Variants in ZBTB48 observed in about 807,000 individuals in gnomAD.
The protein encoded by ZBTB48 is zinc finger and BTB domain containing 48.
A neutral mutation model predicts 64.5 loss-of-function variants in ZBTB48; 35 were observed. The observed-to-expected ratio is 0.54, with a 90% CI of 0.41 to 0.72. The LOEUF (loss-of-function observed/expected upper bound fraction) is 0.72. ZBTB48 is among the 30% of genes least tolerant of loss of function. The probability of loss-of-function intolerance (pLI) is 0.00; values close to 1 mark genes in which losing one functional copy is unlikely to be tolerated. For synonymous variants in ZBTB48, 442 were observed against 356.7 expected, an observed-to-expected ratio of 1.24 and a Z score of -2.70; for missense variants, 828 against 895.3, an observed-to-expected ratio of 0.92 and a Z score of 0.96.
In ZBTB48 at chr1:6,588,930, G is replaced by A. The variant is rs1335488803; in HGVS notation, c.1785G>A (p.Arg595=). The stretch of plus-strand genomic sequence containing the variant: ...CTCCCCGCCAGGCCCACCTGCGGAG[G>A]CACATGGAGATCCACGACCGGGTAG... ...YKFTRQAHLR[R]HMEIHDRVEN... Residue 595 remains arginine, a synonymous_variant, in exon 11 of 11, where the codon AGG becomes AGA. Transcript: ENST00000377674. The A allele has an allele frequency of 3.7e-6, 6 of 1,612,592 alleles. No homozygotes were observed. The highest frequency in any genetic ancestry group is 1.3e-5 in the African/African-American group (1 of 74,920).
chr1:6,581,323 C>T (rs371060388), intron 2 of ZBTB48, 24 bp downstream of exon 2: 2 of 1,557,600 alleles, frequency 1.3e-6, no homozygotes, highest in African/African-American at 2.8e-5. Context: ...GGTGTTGGGA[C>T]TGGGGAGACA....
At chr1:6,583,646 G>A (rs1225069195) in intron 3 of ZBTB48, among the ~76,000 whole-genome samples, 5 of 150,438 alleles carry the variant, frequency 3.3e-5, no homozygotes, top group East Asian at 3.9e-4. Context: ...TGTCGCCCAG[G>A]TTGGAGTGCA....
chr1:6,587,636 C>T lies in ZBTB48; in HGVS notation c.1379+4C>T, dbSNP rs190133279. On this transcript the variant is annotated splice_donor_region_variant and intron_variant, in intron 7 of 10. Coordinates refer to ENST00000377674, the MANE Select transcript of ZBTB48 (RefSeq NM_005341.4). ...TGCACATCAAGGCCAAGCACAGGTGCGTGTCGCCCGTTCTCTCTTGGGGCC... is the reference window on the plus strand; with the variant it reads ...TGCACATCAAGGCCAAGCACAGGTGTGTGTCGCCCGTTCTCTCTTGGGGCC... 76 of 1,612,304 alleles carry T rather than the reference C, an allele frequency of 4.7e-5. No individual in the cohort carries two copies. Among genetic ancestry groups the T allele is most frequent in the Admixed American group, 2.8e-4 (17 of 60,024 alleles).
In ZBTB48 at chr1:6,586,049, A is replaced by G; in HGVS notation, c.1044+19A>G. ...GGAACAGGTACTTGGGAGCTGGCCCAGGTACTTGTGGGCAGGGCACACTGG... is the reference window on the plus strand; with the variant it reads ...GGAACAGGTACTTGGGAGCTGGCCCGGGTACTTGTGGGCAGGGCACACTGG... On this transcript the variant is annotated intron_variant, in intron 4 of 10. Coordinates refer to ENST00000377674, the MANE Select transcript of ZBTB48 (RefSeq NM_005341.4). 1 of 1,613,262 alleles carries G rather than the reference A, an allele frequency of 6.2e-7. No individual in the cohort carries two copies. Among genetic ancestry groups the G allele is most frequent in the Non-Finnish European group, 8.5e-7 (1 of 1,179,258 alleles).
In ZBTB48 at chr1:6,589,026, GCTGCAGCCGC is replaced by G; in HGVS notation, c.1888_1897del (p.Pro630SerfsTer?). On this transcript the variant is annotated frameshift_variant, in exon 11 of 11. Coordinates refer to ENST00000377674, the MANE Select transcript of ZBTB48 (RefSeq NM_005341.4). LOFTEE classifies it high-confidence loss of function. ...AGGACGAGAAGATGGTGGTGGTGGC[GCTGCAGCCGC>G]CTGCAGAGCTGGAGGTGGGCTCGGC... 1 of 1,596,368 alleles carries G rather than the reference GCTGCAGCCGC, an allele frequency of 6.3e-7. No homozygotes were observed. The highest frequency in any genetic ancestry group is 8.5e-7 in the Non-Finnish European group (1 of 1,170,158).
At position 6,582,095 on chromosome 1, in the gene ZBTB48, G is replaced by A. The variant is rs767556410; in HGVS notation, c.728G>A (p.Gly243Asp). The A allele has an allele frequency of 1.2e-6, 2 of 1,614,158 alleles. No homozygotes were observed. The highest frequency in any genetic ancestry group is 1.7e-6 in the Non-Finnish European group (2 of 1,180,028). The change falls in exon 3 of 11, where the codon GGC becomes GAC. Residue 243 changes from glycine to aspartate, a missense_variant. Gly to Asp is a moderately conservative substitution (Grantham distance 94). Coordinates refer to ENST00000377674, the MANE Select transcript of ZBTB48 (RefSeq NM_005341.4). ...GTTCAAGTGGAGGATGATGGGGATG[G>A]CGATTACATGTCTGAGCCTGAGGCT... is the stretch of plus-strand genomic sequence containing the variant. ...VVVQVEDDGD[G>D]DYMSEPEAVL...
Position 6,586,800 on chromosome 1 carries a change from C to A in ZBTB48, c.1137+13C>A. On this transcript the variant is annotated intron_variant, in intron 5 of 10. Transcript: ENST00000377674. ...GATGCCCTACAAGGTCAGGCTTGGC[C>A]TGTCTCCAGGGCCAGGGTTGGGTGG... 24 of 1,607,644 alleles carry A rather than the reference C, an allele frequency of 1.5e-5. No homozygotes were observed. The highest frequency in any genetic ancestry group is 2.0e-5 in the Non-Finnish European group (23 of 1,177,236).
rs1408214485 is a variant in ZBTB48 at position 6,587,271 on chromosome 1, G to A, written c.1204G>A (p.Gly402Arg). The A allele has an allele frequency of 6.2e-7, 1 of 1,614,054 alleles. No individual in the cohort carries two copies. Among genetic ancestry groups the A allele is most frequent in the Non-Finnish European group, 8.5e-7 (1 of 1,180,040 alleles). The change falls in exon 6 of 11, where the codon GGA (glycine) becomes AGA (arginine). Residue 402 changes from glycine to arginine, a missense_variant. By Grantham distance (125) the Gly-to-Arg change is moderately radical. Coordinates refer to ENST00000377674, the MANE Select transcript of ZBTB48 (RefSeq NM_005341.4). ...GCAGAGCCACATGATCAAACTTCAT[G>A]GAGCCCCCAAGCCCCATGCAGTAAG... ...DLQSHMIKLH[G>R]APKPHACPTC...
Position 6,589,011 on chromosome 1 carries a change from G to T in ZBTB48, c.1866G>T (p.Lys622Asn), listed in dbSNP as rs144181179. ...GCAACCTGATCATCGAGGACGAGAA[G>T]ATGGTGGTGGTGGCGCTGCAGCCGC... Reference protein sequence around the residue: ...KLRNLIIEDEKMVVVALQPPA... With the variant: ...KLRNLIIEDENMVVVALQPPA... The change falls in exon 11 of 11, where the codon AAG becomes AAT. Residue 622 changes from lysine (K) to asparagine (N), a missense_variant. Physicochemically the swap from Lys to Asn is moderately conservative, Grantham distance 94. Coordinates refer to ENST00000377674, the MANE Select transcript of ZBTB48 (RefSeq NM_005341.4). 1 of 1,596,940 alleles carries T rather than the reference G, an allele frequency of 6.3e-7. No homozygotes were observed. The highest frequency in any genetic ancestry group is 8.5e-7 in the Non-Finnish European group (1 of 1,170,108).
chr1:6,583,447 C>G (rs1392648114), intron 3 of ZBTB48, among the ~76,000 whole-genome samples: 33 of 151,808 alleles, frequency 2.2e-4, no homozygotes, highest in Non-Finnish European at 1.9e-4. Context: ...ATTACAGGTG[C>G]CTGCCACCAC....
chr1:6,589,146 C>A lies in ZBTB48; in HGVS notation c.2001C>A (p.Thr667=). ...GACTGTGTGCAGAGGAGAGCTTCAC[C>A]GGCCCAGGTGTCCTGGAGCCCTCCC... ...GQRLCAEESF[T]GPGVLEPSLI... The change falls in exon 11 of 11, where the codon ACC becomes ACA. Residue 667 remains threonine, a synonymous_variant. Coordinates refer to ENST00000377674, the MANE Select transcript of ZBTB48 (RefSeq NM_005341.4). The A allele has an allele frequency of 6.3e-7, 1 of 1,583,334 alleles. No individual in the cohort carries two copies.
chr1:6,581,353 T>G, intron 2 of ZBTB48, 54 bp downstream of exon 2: 1 of 1,502,512 alleles, frequency 6.7e-7, no homozygotes, highest in Non-Finnish European at 8.8e-7. Flanking sequence ...AATAGACACT[T>G]TTTTGGTATA....
chr1:6,586,848 C>T (rs1435939561), intron 5 of ZBTB48, 61 bp downstream of exon 5: 8 of 1,558,458 alleles, frequency 5.1e-6, no homozygotes, highest in Non-Finnish European at 6.1e-6. Context: ...TCCTGCTGAG[C>T]CCTTTACGTG....
chr1:6,581,114 A>C lies in ZBTB48; in HGVS notation c.505A>C (p.Ser169Arg), dbSNP rs1241961315. Residue 169 changes from serine to arginine, a missense_variant, in exon 2 of 11, where the codon AGT becomes CGT. Transcript: ENST00000377674. ...LVPRDQEPRG[S>R]HSPQRPQLHS... ...CCCCAGGGATCAGGAGCCCAGAGGC[A>C]GTCATAGTCCTCAGAGGCCCCAGCT... 1.2e-5 allele frequency: 19 copies of C among 1,613,134 alleles called. No individual in the cohort carries two copies. The highest frequency in any genetic ancestry group is 1.6e-5 in the Non-Finnish European group (19 of 1,179,880).
At position 6,584,845 on chromosome 1, in the gene ZBTB48, T is replaced by G. The variant is rs1402284877; in HGVS notation, c.933-1074T>G. Among the ~76,000 whole-genome samples, 1 of 152,184 alleles carries G rather than the reference T, an allele frequency of 6.6e-6. No homozygotes were observed. Among genetic ancestry groups the G allele is most frequent in the Non-Finnish European group, 1.5e-5 (1 of 68,030 alleles). ...TTGGCCTCTGGAAGGTGGGAGGAGC[T>G]GTCGCAGGCTGCACAGGGGCTCTGA... On this transcript the variant is annotated intron_variant, in intron 3 of 10. Transcript: ENST00000377674. The surrounding 1 kb of genome is among the most constrained non-coding windows in gnomAD (Gnocchi z 4.5).
At chr1:6,585,848 G>C (rs1480100272) in intron 3 of ZBTB48, 71 bp from the exon 4 acceptor site, 1 of 1,482,070 alleles carries the variant, frequency 6.7e-7, no homozygotes, top group African/African-American at 1.4e-5. Context: ...AAGGGACCCA[G>C]AGGGGGCCCT....
chr1:6,588,568 C>A, intron 9 of ZBTB48, 126 bp downstream of exon 9: 1 of 1,445,430 alleles, frequency 6.9e-7, no homozygotes. Context: ...TGAGAGTGGA[C>A]CTGCTTTGAA....
intron 4 of ZBTB48, 184 bp from the exon 5 acceptor site, chr1:6,586,511 G>T: frequency 6.3e-6 from 8 of 1,278,128 alleles, no homozygotes; most frequent in Non-Finnish European, 8.2e-6. Flanking sequence ...CCTGGTGTGC[G>T]GTGGGCTTGC....
chr1:6,580,733 A>G lies in ZBTB48; in HGVS notation c.124A>G (p.Ser42Gly). ...VGGLVFKAHW[S>G]VLACCSHFFQ... ...GGGCCTGGTGTTTAAGGCACACTGG[A>G]GTGTCCTTGCCTGCTGCAGTCACTT... The change falls in exon 2 of 11, where the codon AGT becomes GGT. Residue 42 changes from serine to glycine, a missense_variant. By Grantham distance (56) the Ser-to-Gly change is moderately conservative. Transcript: ENST00000377674. The surrounding 1 kb of genome is among the most constrained non-coding windows in gnomAD (Gnocchi z 5.2). 1 of 1,614,070 alleles carries G rather than the reference A, an allele frequency of 6.2e-7. No homozygotes were observed. The highest frequency in any genetic ancestry group is 8.5e-7 in the Non-Finnish European group (1 of 1,180,016).
Sources: gnomAD v4.1 joint callset for allele counts (sites outside exome capture counted in the v4.1 genomes callset) on GRCh38, gnomAD v4.1.1 for gene constraint, Gnocchi (gnomAD v3.1) non-coding constraint, MANE v1.5 for transcripts, NCBI Gene and HGNC (gene_info 2026-07-23, HGNC 2026-07-21) for gene names.